Variants in MCTP1 observed in about 807,000 individuals in gnomAD.
The protein encoded by MCTP1 is multiple C2 and transmembrane domain-containing protein 1.
MCTP1 carries 69 observed loss-of-function variants against 120.6 expected under a neutral mutation model. The ratio of observed to expected loss-of-function variants is 0.57; its 90% CI spans 0.47 to 0.70. The LOEUF (loss-of-function observed/expected upper bound fraction) is 0.70, where lower values mean the gene tolerates loss of function less well. MCTP1 is among the 30% of genes least tolerant of loss of function. The pLI, the probability that MCTP1 is intolerant of heterozygous loss-of-function variation, is 0.00. For missense variants in MCTP1, 1,203 were observed against 1,248.8 expected (o/e 0.96, Z 0.55); for synonymous variants, 529 against 493.1 (o/e 1.07, Z -0.96).
At chr5:94,798,191 G>C (rs1341572069) in intron 18 of MCTP1, among the ~76,000 whole-genome samples, 1 of 151,748 alleles carries the variant, frequency 6.6e-6, no homozygotes, top group Non-Finnish European at 1.5e-5. Context: ...TGTCTATTGA[G>C]TTACCAAATT....
chr5:94,938,588 T>C (rs1301923576), intron 5 of MCTP1, among the ~76,000 whole-genome samples: 1 of 152,062 alleles, frequency 6.6e-6, no homozygotes, highest in Admixed American at 6.6e-5. Flanking sequence ...CTTTCAGCAA[T>C]ATGTACCTCT....
Position 95,119,156 on chromosome 5 carries a change from A to G in MCTP1, c.721-101672T>C, listed in dbSNP as rs141532760. On this transcript the variant is annotated intron_variant, in intron 1 of 22. Coordinates refer to ENST00000515393, the MANE Select transcript of MCTP1 (RefSeq NM_024717.7). ...TAGGTCACAAAACAAGTCTTAAAAC[A>G]TTCAAGAAAACTGAAATAACATCAA... Among the ~76,000 whole-genome samples, 1,329 of 152,338 alleles carry G rather than the reference A, an allele frequency of 8.7e-3. 21 individuals are homozygous for G. The highest frequency in any genetic ancestry group is 0.031 in the African/African-American group (1,277 of 41,580).
At chr5:94,848,880 C>T (rs182108708) in intron 17 of MCTP1, among the ~76,000 whole-genome samples, 1 of 151,814 alleles carries the variant, frequency 6.6e-6, no homozygotes, top group Admixed American at 6.6e-5. Context: ...AATTATCCCA[C>T]TGTTCAAGAA....
At chr5:94,965,958 G>A (rs557002655) in intron 2 of MCTP1, among the ~76,000 whole-genome samples, 2 of 152,190 alleles carry the variant, frequency 1.3e-5, no homozygotes, top group Non-Finnish European at 2.9e-5. Flanking sequence ...CAAACCGGCC[G>A]GTGCTTGGAC....
At chr5:95,001,768 T>C (rs13354583) in intron 2 of MCTP1, among the ~76,000 whole-genome samples, 2,940 of 152,188 alleles carry the variant, frequency 0.019, 86 homozygotes, top group African/African-American at 0.068. Flanking sequence ...GATGATGCCA[T>C]AGAAAAGAAA....
At chr5:94,839,666 C>G (rs1790573961) in intron 17 of MCTP1, among the ~76,000 whole-genome samples, 1 of 152,160 alleles carries the variant, frequency 6.6e-6, no homozygotes, top group African/African-American at 2.4e-5. Flanking sequence ...GATGCACATT[C>G]TCTCTTCTAT....
rs1033414777 is a variant in MCTP1, at chr5:95,211,079, C to A, written c.720+72777G>T. Among the ~76,000 whole-genome samples, 34 of 152,102 alleles carry A rather than the reference C, an allele frequency of 2.2e-4. 1 individual carries two copies. Among genetic ancestry groups the A allele is most frequent in the African/African-American group, 8.0e-4 (33 of 41,474 alleles). ...TGATGGGCTTCCCTTTGTGGGTAAC[C>A]CGACCTTTCTCTCTGGCTGCCCTTA... is the stretch of plus-strand genomic sequence containing the variant. On this transcript the variant is annotated intron_variant, in intron 1 of 22. Transcript: ENST00000515393.
At chr5:94,856,774 A>G (rs1254711650) in intron 17 of MCTP1, among the ~76,000 whole-genome samples, 4 of 151,734 alleles carry the variant, frequency 2.6e-5, no homozygotes, top group Non-Finnish European at 5.9e-5. Flanking sequence ...AGCATTTCTG[A>G]GAGAAAAAGA....
At chr5:94,876,093 A>T (rs1009643760) in intron 12 of MCTP1, among the ~76,000 whole-genome samples, 4 of 152,164 alleles carry the variant, frequency 2.6e-5, no homozygotes, top group African/African-American at 9.7e-5. Flanking sequence ...AGCATGGACT[A>T]TAGTTGTATT....
Position 94,940,618 on chromosome 5 carries a change from G to GTA in MCTP1, c.1062-425_1062-424dup, listed in dbSNP as rs1273019362. Among the ~76,000 whole-genome samples, 782 of 143,010 alleles carry GTA rather than the reference G, an allele frequency of 5.5e-3. 40 individuals carry two copies. The highest frequency in any genetic ancestry group is 0.042 in the East Asian group (207 of 4,906). 93.8% of individuals were successfully genotyped at this position (143,010 alleles called of 152,430 possible). A position where few individuals can be genotyped will look rare whatever the true frequency, so the allele number is the denominator to read the frequency against. ...TATATACACATATACATATATATGT[G>GTA]TATATATATACACATATACATACAC... On this transcript the variant is annotated intron_variant, in intron 4 of 22. Transcript: ENST00000515393.
chr5:94,779,042 C>A, intron 19 of MCTP1, 68 bp downstream of exon 19: 2 of 1,384,338 alleles, frequency 1.4e-6, no homozygotes, highest in South Asian at 2.3e-5. Flanking sequence ...TTTTAACTGT[C>A]TGTGAAAACA....
intron 1 of MCTP1, among the ~76,000 whole-genome samples, chr5:95,064,913 G>A (rs1231196589): frequency 6.6e-6 from 1 of 152,170 alleles, no homozygotes; most frequent in African/African-American, 2.4e-5. Flanking sequence ...CATTTAAATA[G>A]CTGACCTATG....
intron 19 of MCTP1, among the ~76,000 whole-genome samples, chr5:94,769,508 C>A (rs893486601): frequency 6.6e-6 from 1 of 151,874 alleles, no homozygotes; most frequent in Non-Finnish European, 1.5e-5. Flanking sequence ...ATTGAAAAAA[C>A]CAGTAACCCC....
chr5:95,190,874 T>G (rs1034082423), intron 1 of MCTP1, among the ~76,000 whole-genome samples: 14 of 148,884 alleles, frequency 9.4e-5, no homozygotes, highest in Admixed American at 3.4e-4. Context: ...AATGAAACTA[T>G]TCTATAGAAC....
chr5:95,068,918 AT>A, intron 1 of MCTP1: 1 of 596,862 alleles, frequency 1.7e-6, no homozygotes, highest in Non-Finnish European at 2.4e-6. Context: ...CTAAAAGCGA[AT>A]TAGGCTTAGT....
chr5:95,068,720 G>A, intron 1 of MCTP1: 2 of 1,000,266 alleles, frequency 2.0e-6, no homozygotes, highest in African/African-American at 1.8e-5. Flanking sequence ...AAAAAATAAA[G>A]CTTTTATGCC....
In MCTP1 at chr5:95,243,786, G is replaced by A. The variant is rs185779580; in HGVS notation, c.720+40070C>T. 3.9e-5 allele frequency among the ~76,000 whole-genome samples: 6 copies of A among 152,316 alleles called. No individual in the cohort carries two copies. In the East Asian group the frequency reaches 9.7e-4, roughly 25 times the overall value. Reference sequence around the variant, plus strand: ...GGAAGAATTTGGTGATGGATTGGAAGTGGCAAGCAGGGAAAGTTAAGACTA... The same window carrying A: ...GGAAGAATTTGGTGATGGATTGGAAATGGCAAGCAGGGAAAGTTAAGACTA... On this transcript the variant is annotated intron_variant, in intron 1 of 22. Coordinates refer to ENST00000515393, the MANE Select transcript of MCTP1 (RefSeq NM_024717.7).
At chr5:94,823,882 G>A (rs886907468) in intron 17 of MCTP1, among the ~76,000 whole-genome samples, 1 of 152,146 alleles carries the variant, frequency 6.6e-6, no homozygotes, top group African/African-American at 2.4e-5. Context: ...TGTGATTTTT[G>A]CACATTGATT....
At chr5:95,144,825 G>C (rs1287255392) in intron 1 of MCTP1, among the ~76,000 whole-genome samples, 1 of 152,126 alleles carries the variant, frequency 6.6e-6, no homozygotes, top group Admixed American at 6.5e-5. Flanking sequence ...AGTATAGTGG[G>C]AAGTTAGGTC....
Sources: gnomAD v4.1 joint callset for allele counts (sites outside exome capture counted in the v4.1 genomes callset) on GRCh38, gnomAD v4.1.1 for gene constraint, MANE v1.5 for transcripts, NCBI Gene and HGNC (gene_info 2026-07-23, HGNC 2026-07-21) for gene names.